PAK5: variants seen among roughly 807,000 people sequenced by gnomAD.
The protein encoded by PAK5 is p21 (RAC1) activated kinase 5.
Under a neutral mutation model 65.9 loss-of-function variants are expected in PAK5, and 16 were observed. The observed-to-expected ratio is 0.24, with a 90% confidence interval of 0.16 to 0.37. PAK5 has a LOEUF of 0.37. PAK5 is among the 10% of genes least tolerant of loss of function. PAK5 has a pLI of 1.00. For synonymous variants in PAK5, 371 were observed against 354.9 expected (o/e 1.05, Z -0.51); for missense variants, 785 against 903.9 (o/e 0.87, Z 1.69).
rs926588578 is a variant in PAK5, at chr20:9,816,687, C to A, written c.-162+22075G>T. Among the ~76,000 whole-genome samples the A allele has an allele frequency of 2.6e-5, 4 of 152,156 alleles. No homozygotes were observed. In the East Asian group the frequency reaches 5.8e-4, roughly 22 times the overall value. ...CTGGTTCTCAGGCTTTTGAACCCCACAACTGGCTTGACTGGGTCTTTAGCT... is the reference window on the plus strand; with the variant it reads ...CTGGTTCTCAGGCTTTTGAACCCCAAAACTGGCTTGACTGGGTCTTTAGCT... On this transcript the variant is annotated intron_variant, in intron 1 of 9. Transcript: ENST00000353224.
chr20:9,793,938 CA>C (rs1386522703), intron 1 of PAK5, among the ~76,000 whole-genome samples: 2 of 152,032 alleles, frequency 1.3e-5, no homozygotes, highest in Non-Finnish European at 2.9e-5. Context: ...AGATGCCCAT[CA>C]AAGATAGACT....
chr20:9,818,096 C>A (rs2049378820), intron 1 of PAK5, among the ~76,000 whole-genome samples: 1 of 152,162 alleles, frequency 6.6e-6, no homozygotes, highest in East Asian at 1.9e-4. Flanking sequence ...TGTTCACTTC[C>A]TTTTAAAATC....
intron 2 of PAK5, among the ~76,000 whole-genome samples, chr20:9,690,283 A>G (rs1298607230): frequency 6.6e-6 from 1 of 152,200 alleles, no homozygotes; most frequent in Non-Finnish European, 1.5e-5. Flanking sequence ...CTGTTCTTCA[A>G]TATGGACTGC....
chr20:9,659,333 G>A (rs1242319191), intron 2 of PAK5, among the ~76,000 whole-genome samples: 1 of 152,146 alleles, frequency 6.6e-6, no homozygotes, highest in Non-Finnish European at 1.5e-5. Context: ...ATTTAGATTG[G>A]TCAGATGGGT....
intron 3 of PAK5, among the ~76,000 whole-genome samples, chr20:9,586,772 C>T (rs1244491600): frequency 6.6e-6 from 1 of 152,022 alleles, no homozygotes; most frequent in Non-Finnish European, 1.5e-5. Context: ...GAACTGGGGA[C>T]CTGCTCTTTC....
At chr20:9,772,882 C>G (rs1386754721) in intron 1 of PAK5, among the ~76,000 whole-genome samples, 1 of 152,192 alleles carries the variant, frequency 6.6e-6, no homozygotes, top group Non-Finnish European at 1.5e-5. Flanking sequence ...GACCCTCAAC[C>G]AATGAAGGGC....
intron 1 of PAK5, among the ~76,000 whole-genome samples, chr20:9,751,835 A>C (rs2048580364): frequency 6.6e-6 from 1 of 152,194 alleles, no homozygotes; most frequent in Non-Finnish European, 1.5e-5. Context: ...GAAAGGTTAC[A>C]AGGATTCCTG....
intron 3 of PAK5, among the ~76,000 whole-genome samples, chr20:9,632,054 A>T (rs745937289): frequency 2.4e-4 from 37 of 152,248 alleles, no homozygotes; most frequent in Non-Finnish European, 1.8e-4. Context: ...TCCAAGCATG[A>T]GTGGGAGTCA....
chr20:9,760,436 G>A (rs942036495), intron 1 of PAK5, among the ~76,000 whole-genome samples: 9 of 151,790 alleles, frequency 5.9e-5, no homozygotes, highest in East Asian at 3.9e-4. Flanking sequence ...CAAATCTTCC[G>A]TTCTCCCATT....
At chr20:9,832,431 C>G (rs1358734496) in intron 1 of PAK5, among the ~76,000 whole-genome samples, 1 of 152,080 alleles carries the variant, frequency 6.6e-6, no homozygotes, top group Non-Finnish European at 1.5e-5. Context: ...TGCCACCACA[C>G]CCAGCTATTT....
rs1252512265 is a variant in PAK5, at chr20:9,684,647, A to AT, written c.-12+26638dup. Among the ~76,000 whole-genome samples the AT allele has an allele frequency of 5.9e-5, 9 of 152,084 alleles. 1 individual carries two copies. Among genetic ancestry groups the AT allele is most frequent in the Admixed American group, 4.6e-4 (7 of 15,266 alleles). On this transcript the variant is annotated intron_variant, in intron 2 of 9. Coordinates refer to ENST00000353224, the MANE Select transcript of PAK5 (RefSeq NM_177990.4). ...GGCCTCTGTTGCTTTCTATAAATGC[A>AT]TTTTTTTTCTATTCTCCACTTCAAT... is the stretch of plus-strand genomic sequence containing the variant.
intron 1 of PAK5, among the ~76,000 whole-genome samples, chr20:9,835,262 A>G (rs1279784611): frequency 2.6e-5 from 4 of 152,218 alleles, no homozygotes; most frequent in African/African-American, 9.6e-5. Context: ...CCAAACAAAC[A>G]GGCATTTGCA....
At chr20:9,733,420 C>CTTG (rs2048355126) in intron 1 of PAK5, among the ~76,000 whole-genome samples, 1 of 149,590 alleles carries the variant, frequency 6.7e-6, no homozygotes, top group African/African-American at 2.5e-5. Context: ...TTTCTTTCTT[C>CTTG]TCTCTCTCTT....
At chr20:9,676,040 A>G (rs1183434439) in intron 2 of PAK5, among the ~76,000 whole-genome samples, 8 of 152,212 alleles carry the variant, frequency 5.3e-5, no homozygotes, top group Admixed American at 5.2e-4. Context: ...TTGGACTTAG[A>G]GTTGCACATG....
chr20:9,776,263 A>T (rs1278894519), intron 1 of PAK5, among the ~76,000 whole-genome samples: 1 of 152,204 alleles, frequency 6.6e-6, no homozygotes, highest in Non-Finnish European at 1.5e-5. Flanking sequence ...CCAGGTCTAG[A>T]TAACTCCATA....
intron 3 of PAK5, among the ~76,000 whole-genome samples, chr20:9,600,062 C>T (rs1431250218): frequency 6.6e-6 from 1 of 152,054 alleles, no homozygotes; most frequent in Non-Finnish European, 1.5e-5. Context: ...ATTTTTTAGG[C>T]TGTTGGGTAT....
intron 7 of PAK5, among the ~76,000 whole-genome samples, chr20:9,545,732 C>A (rs1324813352): frequency 6.6e-6 from 1 of 152,110 alleles, no homozygotes; most frequent in Non-Finnish European, 1.5e-5. Flanking sequence ...CCATTCAAAG[C>A]CTGTATTTCC....
At chr20:9,790,329 G>T (rs1429328412) in intron 1 of PAK5, among the ~76,000 whole-genome samples, 1 of 152,018 alleles carries the variant, frequency 6.6e-6, no homozygotes, top group Non-Finnish European at 1.5e-5. Flanking sequence ...AGAGCAAACA[G>T]TATAAAGGGG....
intron 8 of PAK5, among the ~76,000 whole-genome samples, chr20:9,543,614 T>G (rs1442663244): frequency 6.6e-6 from 1 of 152,198 alleles, no homozygotes; most frequent in Non-Finnish European, 1.5e-5. Context: ...TGTCTTCTCA[T>G]GCTTCTCTTC....
Sources: allele counts gnomAD v4.1 joint callset (sites outside exome capture counted in the v4.1 genomes callset), GRCh38; gene constraint gnomAD v4.1.1; transcripts MANE v1.5; gene names NCBI Gene and HGNC (gene_info 2026-07-23, HGNC 2026-07-21).